Variants in SPATA7 observed in about 807,000 individuals in gnomAD.
SPATA7 encodes spermatogenesis-associated protein 7.
Under a neutral mutation model 51.8 loss-of-function variants are expected in SPATA7, and 43 were observed. That is an observed-to-expected ratio of 0.83 (90% CI 0.65 to 1.07). The LOEUF (loss-of-function observed/expected upper bound fraction) is 1.07, where lower values mean the gene tolerates loss of function less well. Among genes scored for constraint, SPATA7 ranks in the 50% least tolerant of loss-of-function variants. The probability of loss-of-function intolerance (pLI) is 0.00; values close to 1 mark genes in which losing one functional copy is unlikely to be tolerated. For missense variants in SPATA7, 683 were observed against 701.3 expected, an observed-to-expected ratio of 0.97 and a Z score of 0.30; for synonymous variants, 230 against 252.8, an observed-to-expected ratio of 0.91 and a Z score of 0.86.
At chr14:88,454,246 G>A (rs753833416) in intron 3 of SPATA7, among the ~76,000 whole-genome samples, 9 of 152,076 alleles carry the variant, frequency 5.9e-5, no homozygotes, top group Non-Finnish European at 1.2e-4. Context: ...GGCTGCCTGC[G>A]TTCCGTCACT....
chr14:88,401,254 ATCATC>A, intron 4 of SPATA7, among the ~76,000 whole-genome samples: 1 of 152,338 alleles, frequency 6.6e-6, no homozygotes, highest in East Asian at 1.9e-4. Context: ...AAACCACACA[ATCATC>A]TCAATACATG....
At chr14:88,402,468 T>C (rs968517921) in intron 4 of SPATA7, among the ~76,000 whole-genome samples, 2 of 152,072 alleles carry the variant, frequency 1.3e-5, no homozygotes, top group Non-Finnish European at 2.9e-5. Context: ...TGGAAAAGAA[T>C]GGAGAACCCA....
rs7160690 is a variant in SPATA7 at position 88,462,884 on chromosome 14, C to T, written c.255-6963C>T. Reference sequence around the variant, plus strand: ...ACACAATGATTCCTTTCTTGTCATCCGTTTGTCCCTATTTATAATATTAAA... The same window carrying T: ...ACACAATGATTCCTTTCTTGTCATCTGTTTGTCCCTATTTATAATATTAAA... On this transcript the variant is annotated intron_variant, in intron 4 of 4. Transcript: ENST00000556406. 5.8e-3 allele frequency among the ~76,000 whole-genome samples: 885 copies of T among 152,182 alleles called. 6 individuals are homozygous for T. Among genetic ancestry groups the T allele is most frequent in the African/African-American group, 0.02 (838 of 41,520 alleles).
chr14:88,417,934 G>A (rs1185539272), intron 5 of SPATA7, among the ~76,000 whole-genome samples: 1 of 151,938 alleles, frequency 6.6e-6, no homozygotes, highest in Non-Finnish European at 1.5e-5. Flanking sequence ...AAATTGTCTA[G>A]GCCTAAAGTA....
At chr14:88,434,159 T>C (rs2077013109) in intron 10 of SPATA7, among the ~76,000 whole-genome samples, 1 of 152,162 alleles carries the variant, frequency 6.6e-6, no homozygotes, top group African/African-American at 2.4e-5. Flanking sequence ...TACAAAATCA[T>C]ATGTATTTAT....
chr14:88,410,008 A>G (rs1171694218), intron 4 of SPATA7, among the ~76,000 whole-genome samples: 1 of 152,124 alleles, frequency 6.6e-6, no homozygotes, highest in African/African-American at 2.4e-5. Flanking sequence ...TTTTACTTCC[A>G]ATTATGTGGT....
At chr14:88,416,628 T>G in intron 4 of SPATA7, 83 bp from the exon 5 acceptor site, 3 of 1,262,428 alleles carry the variant, frequency 2.4e-6, no homozygotes, top group Non-Finnish European at 3.4e-6. Flanking sequence ...ACAAGAAAAA[T>G]GTTCCATTTA....
At chr14:88,464,752 T>A (rs751818555) in intron 4 of SPATA7, among the ~76,000 whole-genome samples, 1 of 152,102 alleles carries the variant, frequency 6.6e-6, no homozygotes, top group African/African-American at 2.4e-5. Flanking sequence ...AAAAGTCTTA[T>A]TTACAATAAT....
At chr14:88,437,703 T>TC (rs2077128094) in intron 11 of SPATA7, 106 bp downstream of exon 11, 1 of 1,344,134 alleles carries the variant, frequency 7.4e-7, no homozygotes. Flanking sequence ...GCTTTTTTTT[T>TC]CCCTTGAACT....
intron 4 of SPATA7, among the ~76,000 whole-genome samples, chr14:88,464,959 G>A (rs1398335221): frequency 2.6e-5 from 4 of 152,004 alleles, no homozygotes; most frequent in African/African-American, 9.7e-5. Context: ...TCATGCTGTC[G>A]CCACTCAGTC....
chr14:88,436,027 C>A (rs984145911), intron 10 of SPATA7, among the ~76,000 whole-genome samples: 9 of 152,146 alleles, frequency 5.9e-5, no homozygotes, highest in Non-Finnish European at 1.3e-4. Flanking sequence ...TACATTCTTA[C>A]CAACAGTGTG....
intron 4 of SPATA7, chr14:88,468,829 G>C (rs992643490): frequency 6.5e-7 from 1 of 1,540,000 alleles, no homozygotes; most frequent in Admixed American, 1.7e-5. Flanking sequence ...GGAAATGTGC[G>C]CAAAAAGAGC....
intron 3 of SPATA7, among the ~76,000 whole-genome samples, chr14:88,448,516 C>T (rs1229864952): frequency 1.1e-4 from 16 of 152,170 alleles, no homozygotes; most frequent in Admixed American, 7.9e-4. Context: ...AGCTTTGTTC[C>T]GTTGCTGGTG....
intron 4 of SPATA7, chr14:88,416,409 CTTTTTTTTTT>C (rs536916579): frequency 8.4e-6 from 1 of 118,538 alleles, no homozygotes; most frequent in Non-Finnish European, 1.6e-5. Context: ...TGTTGGCATT[CTTTTTTTTTT>C]TTTTTTTTTT....
At chr14:88,427,947 G>A (rs186334768) in intron 7 of SPATA7, 278 of 396,034 alleles carry the variant, frequency 7.0e-4, no homozygotes, top group Non-Finnish European at 1.2e-4. Context: ...TTGGTTGGCT[G>A]GCTGGACAAA....
chr14:88,443,578 C>A (rs546512448), intron 3 of SPATA7, among the ~76,000 whole-genome samples: 1 of 152,086 alleles, frequency 6.6e-6, no homozygotes, highest in East Asian at 1.9e-4. Flanking sequence ...GTGCGCTGCA[C>A]CCACTAACTG....
intron 4 of SPATA7, among the ~76,000 whole-genome samples, chr14:88,403,481 A>G (rs1197974083): frequency 6.6e-6 from 1 of 152,200 alleles, no homozygotes; most frequent in Non-Finnish European, 1.5e-5. Flanking sequence ...TACTACACAC[A>G]CATACACACA....
intron 10 of SPATA7, 50 bp downstream of exon 10, chr14:88,433,262 C>A: frequency 1.7e-6 from 2 of 1,168,226 alleles, no homozygotes; most frequent in South Asian, 1.3e-5. Context: ...ATTAAATATT[C>A]TTCATATTTC....
chr14:88,451,256 G>A lies in SPATA7; in HGVS notation c.178-3804G>A, dbSNP rs562175216. ...GCAATCTTGGCTACCTGCAACCTCT[G>A]CCTCCTGGGTTCAAGCGAATCTCCT... On this transcript the variant is annotated intron_variant, in intron 3 of 3. Coordinates refer to the SPATA7 transcript ENST00000554802. 2.3e-3 allele frequency among the ~76,000 whole-genome samples: 357 copies of A among 152,254 alleles called. 2 individuals are homozygous for A. Among genetic ancestry groups the A allele is most frequent in the African/African-American group, 7.8e-3 (325 of 41,542 alleles).
Sources: allele counts gnomAD v4.1 joint callset (sites outside exome capture counted in the v4.1 genomes callset), GRCh38; gene constraint gnomAD v4.1.1; transcripts MANE v1.5; gene names NCBI Gene and HGNC (gene_info 2026-07-23, HGNC 2026-07-21).